Variants in SHROOM3 observed in about 807,000 individuals in gnomAD.
The protein encoded by SHROOM3 is shroom family member 3.
SHROOM3 carries 47 observed loss-of-function variants against 138.6 expected under a neutral mutation model. The observed-to-expected ratio is 0.34, with a 90% CI of 0.27 to 0.43. SHROOM3 has a LOEUF of 0.43. Among genes scored for constraint, SHROOM3 ranks in the 20% least tolerant of loss-of-function variants. The pLI, the probability that SHROOM3 is intolerant of heterozygous loss-of-function variation, is 1.00. For synonymous variants in SHROOM3, 1,062 were observed against 1,063.3 expected, an observed-to-expected ratio of 1.00 and a Z score of 0.02; for missense variants, 2,491 against 2,596.5, an observed-to-expected ratio of 0.96 and a Z score of 0.88.
At chr4:76,524,337 G>C (rs145059975) in intron 1 of SHROOM3, among the ~76,000 whole-genome samples, 1 of 152,164 alleles carries the variant, frequency 6.6e-6, no homozygotes, top group African/African-American at 2.4e-5. Flanking sequence ...GAGGGGAGGC[G>C]TAGGCCTCAG....
intron 2 of SHROOM3, among the ~76,000 whole-genome samples, chr4:76,597,811 C>T (rs529251495): frequency 6.6e-6 from 1 of 152,296 alleles, no homozygotes; most frequent in African/African-American, 2.4e-5. Flanking sequence ...CTCCAAATTG[C>T]TGAGTGTGGG....
In SHROOM3 at chr4:76,499,445, G is replaced by GT. The variant is rs60117481; in HGVS notation, c.169-56164_169-56163insT. On this transcript the variant is annotated intron_variant, in intron 1 of 10. Coordinates refer to ENST00000296043, the MANE Select transcript of SHROOM3 (RefSeq NM_020859.4). Reference sequence around the variant, plus strand: ...TAAAAACCATCTCAGCAAATACTTAGAATAGGATTTTAAAATGTCAACCAA... The same window carrying GT: ...TAAAAACCATCTCAGCAAATACTTAGTAATAGGATTTTAAAATGTCAACCAA... Among the ~76,000 whole-genome samples, 9 of 151,508 alleles carry GT rather than the reference G, an allele frequency of 5.9e-5. No individual in the cohort carries two copies. The East Asian group carries it at 1.8e-3, about 30-fold the overall frequency.
chr4:76,510,932 G>A (rs921638429), intron 1 of SHROOM3, among the ~76,000 whole-genome samples: 2 of 152,238 alleles, frequency 1.3e-5, no homozygotes, highest in South Asian at 2.1e-4. Flanking sequence ...TGTAATCCCA[G>A]CACTTTGGGA....
chr4:76,582,394 AAGAAACCACAGTCTTC>A (rs1734069972), intron 2 of SHROOM3, among the ~76,000 whole-genome samples: 1 of 152,232 alleles, frequency 6.6e-6, no homozygotes, highest in Admixed American at 6.5e-5. Flanking sequence ...AAAATGAGCA[AAGAAACCACAGTCTTC>A]ATTATTTTGT....
At chr4:76,615,092 A>G (rs1048970824) in intron 2 of SHROOM3, among the ~76,000 whole-genome samples, 2 of 152,228 alleles carry the variant, frequency 1.3e-5, no homozygotes, top group African/African-American at 2.4e-5. Flanking sequence ...TGGAGCATGG[A>G]TACAAAAGCA....
chr4:76,555,277 T>A (rs1733460179), intron 1 of SHROOM3, among the ~76,000 whole-genome samples: 1 of 151,906 alleles, frequency 6.6e-6, no homozygotes, highest in African/African-American at 2.4e-5. Flanking sequence ...TTGCCCTGAG[T>A]GGACTTTTTG....
intron 1 of SHROOM3, among the ~76,000 whole-genome samples, chr4:76,535,459 T>G (rs1362191066): frequency 6.6e-6 from 1 of 152,182 alleles, no homozygotes; most frequent in East Asian, 1.9e-4. Flanking sequence ...TTATTAACTT[T>G]AGACTGATTA....
At chr4:76,611,398 C>T (rs145378083) in intron 2 of SHROOM3, among the ~76,000 whole-genome samples, 25 of 151,758 alleles carry the variant, frequency 1.6e-4, no homozygotes, top group African/African-American at 6.0e-4. Flanking sequence ...TATTTCTTAT[C>T]GGGAATGCTG....
chr4:76,711,770 G>T lies in SHROOM3; in HGVS notation c.455+1483G>T, dbSNP rs527655238. ...CAATAATACACAAATATACATAAAAGAAATAATGTTATATAATAAAACAAC... is the reference window on the plus strand; with the variant it reads ...CAATAATACACAAATATACATAAAATAAATAATGTTATATAATAAAACAAC... On this transcript the variant is annotated intron_variant, in intron 3 of 10. Transcript: ENST00000296043. 6.7e-5 allele frequency among the ~76,000 whole-genome samples: 10 copies of T among 150,000 alleles called. No homozygotes were observed. In the East Asian group the frequency reaches 1.8e-3, roughly 26 times the overall value.
chr4:76,566,026 C>T (rs1419509524), intron 2 of SHROOM3, among the ~76,000 whole-genome samples: 1 of 149,076 alleles, frequency 6.7e-6, no homozygotes, highest in Admixed American at 6.8e-5. Context: ...AGAAGGACTG[C>T]TTGAGCCAGG....
At chr4:76,742,887 C>T (rs1721306889) in intron 5 of SHROOM3, among the ~76,000 whole-genome samples, 1 of 152,124 alleles carries the variant, frequency 6.6e-6, no homozygotes, top group South Asian at 2.1e-4. Flanking sequence ...AGAAGTCAGC[C>T]ATTCAGCAAG....
chr4:76,631,542 C>A (rs945478043), intron 2 of SHROOM3, among the ~76,000 whole-genome samples: 1 of 151,994 alleles, frequency 6.6e-6, no homozygotes, highest in Non-Finnish European at 1.5e-5. Context: ...GAAACCTAAA[C>A]CATAGGAAAG....
chr4:76,579,400 T>G (rs1286267728), intron 2 of SHROOM3, among the ~76,000 whole-genome samples: 2 of 152,046 alleles, frequency 1.3e-5, no homozygotes, highest in Non-Finnish European at 2.9e-5. Context: ...CCCGGGAGAC[T>G]GAGCTTGCAG....
rs557851645 is a variant in SHROOM3 at position 76,493,807 on chromosome 4, T to C, written c.168+57587T>C. 6.6e-5 allele frequency among the ~76,000 whole-genome samples: 10 copies of C among 152,202 alleles called. No homozygotes were observed. In the East Asian group the frequency reaches 1.9e-3, roughly 29 times the overall value. On this transcript the variant is annotated intron_variant, in intron 1 of 10. Transcript: ENST00000296043. ...CAGCCTGGCCAACATGGTGAAAGCC[T>C]GTCTCTACTAAAAATACAAAAATTA...
At chr4:76,552,031 T>TTTTA (rs1733370492) in intron 1 of SHROOM3, among the ~76,000 whole-genome samples, 2 of 121,350 alleles carry the variant, frequency 1.6e-5, no homozygotes, top group African/African-American at 3.3e-5. Context: ...CCGGCTAATT[T>TTTTA]TTTGTATCTT....
chr4:76,531,208 A>T (rs140473700), intron 1 of SHROOM3, among the ~76,000 whole-genome samples: 20 of 152,292 alleles, frequency 1.3e-4, no homozygotes, highest in African/African-American at 4.8e-4. Context: ...TAACCCAGTA[A>T]CGTGAGCATT....
chr4:76,443,921 A>T (rs1730750105), intron 1 of SHROOM3, among the ~76,000 whole-genome samples: 1 of 151,234 alleles, frequency 6.6e-6, no homozygotes, highest in African/African-American at 2.4e-5. Context: ...TTTCTTGGAG[A>T]TTTATGAGAT....
chr4:76,664,613 C>T lies in SHROOM3; in HGVS notation c.324-45543C>T, dbSNP rs77220889. 4.6e-3 allele frequency among the ~76,000 whole-genome samples: 701 copies of T among 152,308 alleles called. 3 individuals are homozygous for T. Among genetic ancestry groups the T allele is most frequent in the African/African-American group, 0.016 (672 of 41,560 alleles). ...CCTCTGGGTCTTTATGCTTTTGTTA[C>T]TGTTGTATCGTTTTATTGTGGCAAA... On this transcript the variant is annotated intron_variant, in intron 2 of 10. Transcript: ENST00000296043. This position sits in a 1 kb window ranked among gnomAD's most constrained non-coding sequence, Gnocchi z 4.2.
At chr4:76,441,086 G>GTTTCTTTTTT (rs1730660587) in intron 1 of SHROOM3, among the ~76,000 whole-genome samples, 1 of 82,182 alleles carries the variant, frequency 1.2e-5, no homozygotes. Flanking sequence ...AGTTCAATTT[G>GTTTCTTTTTT]TTTTTTTTTT....
Sources: gnomAD v4.1 joint callset for allele counts (sites outside exome capture counted in the v4.1 genomes callset) on GRCh38, gnomAD v4.1.1 for gene constraint, Gnocchi (gnomAD v3.1) non-coding constraint, MANE v1.5 for transcripts, NCBI Gene and HGNC (gene_info 2026-07-23, HGNC 2026-07-21) for gene names.